EFCAB6: variants seen among roughly 807,000 people sequenced by gnomAD.
EFCAB6 encodes EF-hand calcium binding domain 6, also known as EF-hand calcium-binding domain-containing protein 6.
In EFCAB6, 156 loss-of-function variants were observed where a neutral mutation model predicts 169.8. That is an observed-to-expected ratio of 0.92 (90% CI 0.81 to 1.05). EFCAB6 has a LOEUF of 1.05. Among genes scored for constraint, EFCAB6 ranks in the 50% least tolerant of loss-of-function variants. The pLI is 0.00. For missense variants in EFCAB6, 1,800 were observed against 1,829.1 expected (o/e 0.98, Z 0.29); for synonymous variants, 698 against 676.4 (o/e 1.03, Z -0.50).
intron 26 of EFCAB6, among the ~76,000 whole-genome samples, chr22:43,562,847 G>A (rs1305935170): frequency 6.7e-6 from 1 of 148,688 alleles, no homozygotes; most frequent in South Asian, 2.1e-4. Flanking sequence ...GCAGCCCGGT[G>A]GGGGATGGGA....
intron 8 of EFCAB6, among the ~76,000 whole-genome samples, chr22:43,728,723 T>C (rs1375698912): frequency 6.6e-6 from 1 of 152,234 alleles, no homozygotes; most frequent in Non-Finnish European, 1.5e-5. Context: ...TTGAGAAGTG[T>C]CTGTTCATAT....
At chr22:43,624,962 T>G (rs1371391341) in intron 20 of EFCAB6, among the ~76,000 whole-genome samples, 2 of 152,256 alleles carry the variant, frequency 1.3e-5, no homozygotes, top group Admixed American at 1.3e-4. Flanking sequence ...TTTGTTTGTT[T>G]GTTTTAATGT....
intron 10 of EFCAB6, among the ~76,000 whole-genome samples, chr22:43,703,430 C>T (rs759787262): frequency 9.9e-5 from 15 of 152,090 alleles, no homozygotes; most frequent in Admixed American, 3.3e-4. Flanking sequence ...GATACCAACA[C>T]GATGACAGAA....
At chr22:43,740,212 AC>A (rs2060319611) in intron 6 of EFCAB6, among the ~76,000 whole-genome samples, 1 of 151,568 alleles carries the variant, frequency 6.6e-6, no homozygotes. Flanking sequence ...AGGACTCCTC[AC>A]CCCCAATCCT....
chr22:43,640,935 C>G (rs1487351039), intron 17 of EFCAB6, among the ~76,000 whole-genome samples: 1 of 152,146 alleles, frequency 6.6e-6, no homozygotes, highest in Non-Finnish European at 1.5e-5. Context: ...CAGGTATCAA[C>G]AGCTCAGGGA....
intron 7 of EFCAB6, among the ~76,000 whole-genome samples, chr22:43,733,029 C>A (rs2147637122): frequency 6.6e-6 from 1 of 152,274 alleles, no homozygotes; most frequent in East Asian, 1.9e-4. Flanking sequence ...CCAAATTTAA[C>A]AAAGAGTAAT....
chr22:43,666,811 A>G (rs941254146), intron 17 of EFCAB6, among the ~76,000 whole-genome samples: 1 of 148,766 alleles, frequency 6.7e-6, no homozygotes, highest in African/African-American at 2.4e-5. Context: ...AGGCTGCCCA[A>G]TGATGCACAG....
At position 43,537,558 on chromosome 22, in the gene EFCAB6, A is replaced by T; in HGVS notation, c.3880-13T>A. 1 of 1,599,394 alleles carries T rather than the reference A, an allele frequency of 6.3e-7. No individual in the cohort carries two copies. The highest frequency in any genetic ancestry group is 8.5e-7 in the Non-Finnish European group (1 of 1,171,728). ...TGCTCGCTGGAGTCTAGCAGGGAAG[A>T]AAAGAAAAGGCTCTTTTCACTTAAG... On this transcript the variant is annotated splice_polypyrimidine_tract_variant and intron_variant, in intron 28 of 31. Transcript: ENST00000262726. This position sits in a 1 kb window ranked among gnomAD's most constrained non-coding sequence, Gnocchi z 4.3.
intron 3 of EFCAB6, among the ~76,000 whole-genome samples, chr22:43,776,474 A>G (rs937088178): frequency 6.6e-6 from 1 of 152,206 alleles, no homozygotes; most frequent in Non-Finnish European, 1.5e-5. Flanking sequence ...ATGAAAATGG[A>G]AAGACAAAAC....
chr22:43,565,054 G>A (rs1299825097), intron 26 of EFCAB6, among the ~76,000 whole-genome samples: 1 of 152,218 alleles, frequency 6.6e-6, no homozygotes, highest in African/African-American at 2.4e-5. Flanking sequence ...GAAGCTGAGA[G>A]TATTTCCCCG....
chr22:43,797,946 T>C (rs960371714), intron 2 of EFCAB6, among the ~76,000 whole-genome samples: 11 of 152,192 alleles, frequency 7.2e-5, no homozygotes, highest in Non-Finnish European at 1.5e-4. Context: ...CGCCCCTCTC[T>C]GACTAATGAA....
chr22:43,634,689 G>C (rs1168650498), intron 18 of EFCAB6, among the ~76,000 whole-genome samples: 3 of 151,940 alleles, frequency 2.0e-5, no homozygotes, highest in African/African-American at 7.3e-5. Flanking sequence ...CCTGGGGGTG[G>C]GGCTGGGTGG....
intron 6 of EFCAB6, among the ~76,000 whole-genome samples, chr22:43,754,460 A>G (rs1195582183): frequency 6.6e-6 from 1 of 152,202 alleles, no homozygotes; most frequent in Admixed American, 6.5e-5. Context: ...GCTGGAACAC[A>G]CGGCAGAAAA....
chr22:43,623,613 C>T (rs1029501045), intron 20 of EFCAB6, among the ~76,000 whole-genome samples: 3 of 151,730 alleles, frequency 2.0e-5, no homozygotes, highest in Admixed American at 6.6e-5. Context: ...GGGTGGTATC[C>T]GGCCAGGCGC....
At chr22:43,735,050 G>A (rs191448257) in intron 7 of EFCAB6, among the ~76,000 whole-genome samples, 338 of 152,302 alleles carry the variant, frequency 2.2e-3, no homozygotes, top group African/African-American at 7.8e-3. Context: ...GAAAAGGCAC[G>A]AAGAGGGAAT....
In EFCAB6 at chr22:43,795,203, AAT is replaced by A; in HGVS notation, c.-7-12880_-7-12879del. On this transcript the variant is annotated intron_variant, in intron 2 of 31. Coordinates refer to ENST00000262726, the MANE Select transcript of EFCAB6 (RefSeq NM_022785.4). The surrounding 1 kb of genome is among the most constrained non-coding windows in gnomAD (Gnocchi z 4.2). ...TCACTGCTATAACTGGTAACTAGAA[AAT>A]ATGTAGAAATATCAGAACACGTTTA... Among the ~76,000 whole-genome samples the A allele has an allele frequency of 6.6e-6, 1 of 152,360 alleles. No homozygotes were observed.
At chr22:43,678,196 G>GAA (rs34240326) in intron 12 of EFCAB6, 33 bp from the exon 13 acceptor site, 19,685 of 1,183,064 alleles carry the variant, frequency 0.017, 28 homozygotes, top group African/African-American at 0.042. Flanking sequence ...GGGAATTTTT[G>GAA]AAAAAAAAAA....
chr22:43,542,374 G>A (rs539405790), intron 27 of EFCAB6, among the ~76,000 whole-genome samples: 1 of 152,292 alleles, frequency 6.6e-6, no homozygotes, highest in Admixed American at 6.5e-5. Context: ...GAGGTCAGGC[G>A]TTTGAGACCA....
intron 7 of EFCAB6, 36 bp downstream of exon 7, chr22:43,735,821 A>G (rs2060116162): frequency 1.2e-6 from 2 of 1,607,260 alleles, no homozygotes; most frequent in South Asian, 1.1e-5. Flanking sequence ...TAAAAGTTCT[A>G]CTGAGCAATC....
Sources: allele counts gnomAD v4.1 joint callset (sites outside exome capture counted in the v4.1 genomes callset), GRCh38; gene constraint gnomAD v4.1.1; non-coding constraint Gnocchi (gnomAD v3.1); transcripts MANE v1.5; gene names NCBI Gene and HGNC (gene_info 2026-07-23, HGNC 2026-07-21).